Variants in DAB1 observed in about 807,000 individuals in gnomAD.
DAB1 encodes DAB adaptor protein 1.
DAB1 carries 15 observed loss-of-function variants against 64.6 expected under a neutral mutation model. The observed-to-expected ratio is 0.23, with a 90% CI of 0.16 to 0.36. The LOEUF (loss-of-function observed/expected upper bound fraction) is 0.36, where lower values mean the gene tolerates loss of function less well. Among genes scored for constraint, DAB1 ranks in the 10% least tolerant of loss-of-function variants. The pLI is 1.00. For missense variants in DAB1, 596 were observed against 706.7 expected (o/e 0.84, Z 1.78); for synonymous variants, 235 against 251.9 (o/e 0.93, Z 0.64).
intron 5 of DAB1, among the ~76,000 whole-genome samples, chr1:58,094,868 A>G (rs1650888020): frequency 6.6e-6 from 1 of 152,226 alleles, no homozygotes; most frequent in African/African-American, 2.4e-5. Flanking sequence ...GAGATGTTGT[A>G]TTTCTATCAC....
At position 58,388,721 on chromosome 1, in the gene DAB1, A is replaced by G. The variant is rs559066836; in HGVS notation, n.258-45318T>C. Among the ~76,000 whole-genome samples the G allele has an allele frequency of 3.3e-5, 5 of 152,354 alleles. No individual in the cohort carries two copies. In the South Asian group the frequency reaches 8.3e-4, roughly 25 times the overall value. On this transcript the variant is annotated intron_variant and non_coding_transcript_variant, in intron 3 of 20. Transcript: ENST00000485760. The stretch of plus-strand genomic sequence containing the variant: ...ACAATCCTAGTTGACAACAGGTGCT[A>G]ATCATGGCAACAAGAGAAGTGTTAC...
chr1:57,991,461 G>T (rs1646337258), intron 5 of DAB1, among the ~76,000 whole-genome samples: 1 of 152,112 alleles, frequency 6.6e-6, no homozygotes, highest in South Asian at 2.1e-4. Flanking sequence ...GGGCAAGCTG[G>T]ACTCGCAGAG....
At chr1:57,072,543 T>A (rs1651583169) in intron 4 of DAB1, 129 bp from the exon 5 acceptor site, 3 of 928,068 alleles carry the variant, frequency 3.2e-6, no homozygotes. Flanking sequence ...TTAGTCCAGA[T>A]GGAAAGAAAA....
At chr1:57,182,096 A>G (rs1663018045) in intron 2 of DAB1, among the ~76,000 whole-genome samples, 1 of 152,114 alleles carries the variant, frequency 6.6e-6, no homozygotes, top group Non-Finnish European at 1.5e-5. Flanking sequence ...CGTGTTAGCC[A>G]GGATAGTCTC....
chr1:58,035,134 AC>A (rs1302878964), intron 5 of DAB1, among the ~76,000 whole-genome samples: 3 of 152,204 alleles, frequency 2.0e-5, no homozygotes, highest in African/African-American at 4.8e-5. Flanking sequence ...GAGGTGAGAT[AC>A]TACAGTGAGC....
intron 1 of DAB1, among the ~76,000 whole-genome samples, chr1:57,834,591 TTA>T (rs895008372): frequency 6.6e-6 from 1 of 151,722 alleles, no homozygotes; most frequent in African/African-American, 2.4e-5. Flanking sequence ...ACACAGTTTT[TTA>T]TATATATATG....
intron 2 of DAB1, among the ~76,000 whole-genome samples, chr1:57,197,068 G>T (rs2100244760): frequency 6.6e-6 from 1 of 152,320 alleles, no homozygotes; most frequent in East Asian, 1.9e-4. Flanking sequence ...AGGCGCCGTG[G>T]CTAACGCCTG....
At chr1:57,733,828 G>A (rs1042136400) in intron 6 of DAB1, among the ~76,000 whole-genome samples, 8 of 152,040 alleles carry the variant, frequency 5.3e-5, no homozygotes, top group Non-Finnish European at 1.0e-4. Context: ...AGTCAGCATG[G>A]GGGGAATCCA....
intron 5 of DAB1, among the ~76,000 whole-genome samples, chr1:58,119,337 C>G (rs1652596004): frequency 6.6e-6 from 1 of 151,888 alleles, no homozygotes; most frequent in African/African-American, 2.4e-5. Context: ...TGACAGAATG[C>G]TACTTATAGT....
At chr1:57,150,310 G>A (rs981254387) in intron 2 of DAB1, among the ~76,000 whole-genome samples, 7 of 152,176 alleles carry the variant, frequency 4.6e-5, no homozygotes, top group Admixed American at 1.3e-4. Context: ...GTTTGTCTGC[G>A]ACAGCCCCAG....
At chr1:57,732,013 G>A (rs1647450969) in intron 6 of DAB1, among the ~76,000 whole-genome samples, 1 of 152,118 alleles carries the variant, frequency 6.6e-6, no homozygotes, top group Non-Finnish European at 1.5e-5. Flanking sequence ...TTAAGATAAG[G>A]GTATGGGTAG....
At chr1:58,053,646 T>C (rs1478574237) in intron 5 of DAB1, among the ~76,000 whole-genome samples, 4 of 151,906 alleles carry the variant, frequency 2.6e-5, no homozygotes, top group Admixed American at 6.6e-5. Context: ...TAAATGAAAA[T>C]AGAAAATAGA....
chr1:57,732,138 G>A (rs1299355139), intron 6 of DAB1, among the ~76,000 whole-genome samples: 1 of 152,180 alleles, frequency 6.6e-6, no homozygotes, highest in Non-Finnish European at 1.5e-5. Context: ...AGTGGTGGTG[G>A]AGTCAGCTGA....
chr1:57,097,690 A>G (rs566212584), intron 4 of DAB1, among the ~76,000 whole-genome samples: 4 of 152,312 alleles, frequency 2.6e-5, no homozygotes, highest in Admixed American at 1.3e-4. Flanking sequence ...ATTCATCATT[A>G]TATAATTTTC....
intron 2 of DAB1, among the ~76,000 whole-genome samples, chr1:57,195,847 T>C (rs1397490265): frequency 1.3e-5 from 2 of 152,262 alleles, no homozygotes; most frequent in Non-Finnish European, 1.5e-5. Context: ...TGGCTATTAC[T>C]AGAAGTAGTC....
chr1:58,419,951 C>A (rs2100219208), intron 3 of DAB1, among the ~76,000 whole-genome samples: 1 of 152,296 alleles, frequency 6.6e-6, no homozygotes, highest in East Asian at 1.9e-4. Context: ...AGGAAAGTAG[C>A]AGCTACCTAC....
rs533024695 is a variant in DAB1 at position 57,663,167 on chromosome 1, A to G, written n.552-13502T>C. ...AGGCGAAGGAGAAGCAGCCATTCTT[A>G]TATGGCCAGAGAAGAAGGAAGAGAG... is the stretch of plus-strand genomic sequence containing the variant. On this transcript the variant is annotated intron_variant and non_coding_transcript_variant, in intron 6 of 20. Coordinates refer to the DAB1 transcript ENST00000485760. Among the ~76,000 whole-genome samples the G allele has an allele frequency of 2.0e-5, 3 of 152,280 alleles. No individual in the cohort carries two copies. The South Asian group carries it at 6.2e-4, about 32-fold the overall frequency.
chr1:57,640,942 T>A (rs1209519542), intron 7 of DAB1, among the ~76,000 whole-genome samples: 1 of 152,178 alleles, frequency 6.6e-6, no homozygotes, highest in Non-Finnish European at 1.5e-5. Flanking sequence ...AGGCTGCTGT[T>A]AGATGAAATT....
chr1:57,426,958 G>T (rs555485197), upstream of DAB1, among the ~76,000 whole-genome samples: 1 of 151,446 alleles, frequency 6.6e-6, no homozygotes, highest in Non-Finnish European at 1.5e-5. Context: ...CCGCCTCCTG[G>T]GTTCACGCCA....
Sources: allele counts gnomAD v4.1 joint callset (sites outside exome capture counted in the v4.1 genomes callset), GRCh38; gene constraint gnomAD v4.1.1; transcripts MANE v1.5; gene names NCBI Gene and HGNC (gene_info 2026-07-23, HGNC 2026-07-21).